The following HAS2 variants were observed in gnomAD, a reference collection of about 807,000 sequenced individuals.
The protein encoded by HAS2 is hyaluronan synthase 2, also known as HA synthase 2.
A neutral mutation model predicts 51.6 loss-of-function variants in HAS2; 16 were observed. The observed-to-expected ratio is 0.31, with a 90% confidence interval of 0.21 to 0.47. HAS2 has a LOEUF of 0.47. HAS2 is among the 20% of genes least tolerant of loss of function. The pLI is 1.00. For missense variants in HAS2, 361 were observed against 662.6 expected (o/e 0.54, Z 5.00); for synonymous variants, 228 against 235.5 (o/e 0.97, Z 0.29).
intron 1 of HAS2, among the ~76,000 whole-genome samples, chr8:121,637,915 G>A (rs916668597): frequency 6.6e-6 from 1 of 152,166 alleles, no homozygotes; most frequent in Non-Finnish European, 1.5e-5. Flanking sequence ...GTTATGCTCT[G>A]TCCTCTCATT....
intron 1 of HAS2, 76 bp from the exon 2 acceptor site, chr8:121,629,416 G>T: frequency 1.7e-6 from 2 of 1,171,222 alleles, no homozygotes; most frequent in Non-Finnish European, 2.4e-6. Context: ...ATCATGGGGA[G>T]AGTATTGGAC....
intron 1 of HAS2, among the ~76,000 whole-genome samples, chr8:121,634,005 G>A (rs762550324): frequency 6.6e-6 from 1 of 151,790 alleles, no homozygotes; most frequent in African/African-American, 2.4e-5. Flanking sequence ...CCGCCTCCTG[G>A]GTTCAAGTGA....
chr8:121,626,728 A>T (rs1344638842), intron 2 of HAS2, among the ~76,000 whole-genome samples: 1 of 152,200 alleles, frequency 6.6e-6, no homozygotes, highest in Admixed American at 6.5e-5. Context: ...TATAGGTCAC[A>T]CATGGTTAAA....
rs1812648897 is a variant in HAS2 at position 121,612,498 on chromosome 8, A to G, written c.*1611T>C. The G allele has an allele frequency of 6.6e-6, 1 of 151,954 alleles. No homozygotes were observed. The allele number at this position is 151,954 out of a possible 1,614,324, so 9.4% of individuals were successfully genotyped here. A position where few individuals can be genotyped will look rare whatever the true frequency, so the allele number is the denominator to read the frequency against. On this transcript the variant is annotated 3_prime_UTR_variant, in exon 4 of 4. Transcript: ENST00000303924. Reference sequence around the variant, plus strand: ...GCAGGAAGCCCATTTTTTTTTTAACACTTCTCCATGTGTCTCTGCCTCACC... The same window carrying G: ...GCAGGAAGCCCATTTTTTTTTTAACGCTTCTCCATGTGTCTCTGCCTCACC...
At chr8:121,626,569 T>C (rs1812856680) in intron 2 of HAS2, among the ~76,000 whole-genome samples, 1 of 152,234 alleles carries the variant, frequency 6.6e-6, no homozygotes, top group South Asian at 2.1e-4. Context: ...CCATCACTTG[T>C]AATGCTTAGC....
In HAS2 at chr8:121,614,101, A is replaced by G; in HGVS notation, c.*8T>C. 6.2e-7 allele frequency: 1 copy of G among 1,614,090 alleles called. No homozygotes were observed. Among genetic ancestry groups the G allele is most frequent in the East Asian group, 2.2e-5 (1 of 44,878 alleles). On this transcript the variant is annotated 3_prime_UTR_variant, in exon 4 of 4. Coordinates refer to ENST00000303924, the MANE Select transcript of HAS2 (RefSeq NM_005328.3). This position sits in a 1 kb window ranked among gnomAD's most constrained non-coding sequence, Gnocchi z 7.2. ...TGTGTGTGACTGCAAACGTCAAAAC[A>G]TGGAAGATCATACATCAAGCACCAT...
chr8:121,616,960 C>T lies in HAS2; in HGVS notation c.729+145G>A, dbSNP rs527539636. On this transcript the variant is annotated intron_variant, in intron 3 of 3. Transcript: ENST00000303924. ...AAGAGGCAGTGAAGCAGATCCAAGG[C>T]ACATTTTAATGTGTCTCAAGCACCA... is the stretch of plus-strand genomic sequence containing the variant. The T allele has an allele frequency of 7.3e-5, 43 of 585,056 alleles. 1 individual carries two copies. In the East Asian group the frequency reaches 1.2e-3, roughly 16 times the overall value. The allele number at this position is 585,056 out of a possible 1,614,324, so 36.2% of individuals were successfully genotyped here.
chr8:121,633,897 T>A (rs779501403), intron 1 of HAS2, among the ~76,000 whole-genome samples: 47 of 97,398 alleles, frequency 4.8e-4, no homozygotes, highest in Non-Finnish European at 1.0e-3. Flanking sequence ...TTACCCTAGT[T>A]TTTTGTTTTT....
In HAS2 at chr8:121,640,837, C is replaced by A. The variant is rs1813084711; in HGVS notation, c.-1+16G>T. On this transcript the variant is annotated intron_variant, in intron 1 of 3. Coordinates refer to ENST00000303924, the MANE Select transcript of HAS2 (RefSeq NM_005328.3). ...AGGACCTTCATCCTTCACCAAAACG[C>A]GCCAGTGTAACGTACCTTGTTCAGC... is the stretch of plus-strand genomic sequence containing the variant. 6.6e-6 allele frequency: 1 copy of A among 152,070 alleles called. No homozygotes were observed. The highest frequency in any genetic ancestry group is 1.5e-5 in the Non-Finnish European group (1 of 68,030). The allele number at this position is 152,070 out of a possible 1,614,324, so 9.4% of individuals were successfully genotyped here. A position where few individuals can be genotyped will look rare whatever the true frequency, so the allele number is the denominator to read the frequency against.
intron 3 of HAS2, among the ~76,000 whole-genome samples, chr8:121,615,408 C>T (rs756209160): frequency 6.6e-6 from 1 of 152,156 alleles, no homozygotes; most frequent in Non-Finnish European, 1.5e-5. Context: ...GCGATTTGGG[C>T]TCACTGCAAC....
chr8:121,626,438 A>C (rs1199468818), intron 2 of HAS2, among the ~76,000 whole-genome samples: 1 of 152,166 alleles, frequency 6.6e-6, no homozygotes, highest in Non-Finnish European at 1.5e-5. Context: ...TCCACAGTTA[A>C]GCAGAATTCT....
rs1234099773 is a variant in HAS2 at position 121,640,960 on chromosome 8, T to C, written c.-108A>G. ...GAGGTAATAAGAGATCAGATGAATTTGAGACGACCGGCCAAAAAAAATAAG... is the reference window on the plus strand; with the variant it reads ...GAGGTAATAAGAGATCAGATGAATTCGAGACGACCGGCCAAAAAAAATAAG... On this transcript the variant is annotated 5_prime_UTR_variant, in exon 1 of 4. Transcript: ENST00000303924. The C allele has an allele frequency of 6.6e-6, 1 of 151,690 alleles. No individual in the cohort carries two copies. The highest frequency in any genetic ancestry group is 1.5e-5 in the Non-Finnish European group (1 of 67,970). 9.4% of individuals were successfully genotyped at this position (151,690 alleles called of 1,614,324 possible). A position where few individuals can be genotyped will look rare whatever the true frequency, so the allele number is the denominator to read the frequency against.
At chr8:121,632,898 A>G (rs1812952225) in intron 1 of HAS2, among the ~76,000 whole-genome samples, 1 of 152,146 alleles carries the variant, frequency 6.6e-6, no homozygotes, top group Non-Finnish European at 1.5e-5. Context: ...TCATGTTACA[A>G]ATAACTATGC....
At chr8:121,620,504 C>T (rs28561861) in intron 2 of HAS2, among the ~76,000 whole-genome samples, 10,086 of 152,270 alleles carry the variant, frequency 0.066, 347 homozygotes, top group African/African-American at 0.072. Flanking sequence ...TTTTTGGCCA[C>T]ACTAAGTGTA....
rs866754372 is a variant in HAS2 at position 121,637,002 on chromosome 8, A to C, written c.-1+3851T>G. The stretch of plus-strand genomic sequence containing the variant: ...TAATTCACTTTGAGTGAATTGCTTA[A>C]CTTTTCTGAGGCAAAGTTCTTTTAC... On this transcript the variant is annotated intron_variant, in intron 1 of 3. Coordinates refer to ENST00000303924, the MANE Select transcript of HAS2 (RefSeq NM_005328.3). Among the ~76,000 whole-genome samples the C allele has an allele frequency of 1.3e-5, 2 of 152,170 alleles. 1 individual carries two copies. Among genetic ancestry groups the C allele is most frequent in the Non-Finnish European group, 2.9e-5 (2 of 68,036 alleles).
At chr8:121,623,865 C>T (rs1812808293) in intron 2 of HAS2, among the ~76,000 whole-genome samples, 2 of 152,164 alleles carry the variant, frequency 1.3e-5, no homozygotes, top group Admixed American at 6.5e-5. Context: ...ATTTCAGTTG[C>T]TCAGGCTTTC....
In HAS2 at chr8:121,615,064, A is replaced by G. The variant is rs369971234; in HGVS notation, c.730-26T>C. The G allele has an allele frequency of 5.8e-6, 9 of 1,541,592 alleles. No homozygotes were observed. In the African/African-American group the frequency reaches 1.2e-4, roughly 21 times the overall value. On this transcript the variant is annotated intron_variant, in intron 3 of 3. Coordinates refer to ENST00000303924, the MANE Select transcript of HAS2 (RefSeq NM_005328.3). ...CTGCAAGAAGAAAAACATAAGTAAT[A>G]GGTAAGCTTTAGCTAAAAATTCCAG...
chr8:121,640,737 CAACTTTTCT>C (rs1813082917), intron 1 of HAS2, 107 bp downstream of exon 1: 1 of 152,066 alleles, frequency 6.6e-6, no homozygotes, highest in Admixed American at 6.5e-5. Flanking sequence ...TTTAAACTTC[CAACTTTTCT>C]ATCGAAACTG....
rs1215012256 is a variant in HAS2 at position 121,613,548 on chromosome 8, T to C, written c.*561A>G. ...GAACAGGTTTATTTTGGCAGAAAAGTAAAATAGAGAATATGCAAAATTTGT... is the reference window on the plus strand; with the variant it reads ...GAACAGGTTTATTTTGGCAGAAAAGCAAAATAGAGAATATGCAAAATTTGT... On this transcript the variant is annotated 3_prime_UTR_variant, in exon 4 of 4. Transcript: ENST00000303924. 1 of 152,618 alleles carries C rather than the reference T, an allele frequency of 6.6e-6. No homozygotes were observed. Among genetic ancestry groups the C allele is most frequent in the Non-Finnish European group, 1.5e-5 (1 of 68,070 alleles). The allele number at this position is 152,618 out of a possible 1,614,324, so 9.5% of individuals were successfully genotyped here.
Sources: allele counts gnomAD v4.1 joint callset (sites outside exome capture counted in the v4.1 genomes callset), GRCh38; gene constraint gnomAD v4.1.1; non-coding constraint Gnocchi (gnomAD v3.1); transcripts MANE v1.5; gene names NCBI Gene and HGNC (gene_info 2026-07-23, HGNC 2026-07-21).